Variants in ACYP2 observed in about 807,000 individuals in gnomAD.
ACYP2 encodes acylphosphatase 2.
A neutral mutation model predicts 11.2 loss-of-function variants in ACYP2; 12 were observed. That is an observed-to-expected ratio of 1.08 (90% CI 0.69 to 1.74). ACYP2 has a LOEUF of 1.74. Among genes scored for constraint, ACYP2 ranks in the 40% most tolerant of loss-of-function variants. The probability of loss-of-function intolerance (pLI) is 0.00; values close to 1 mark genes in which losing one functional copy is unlikely to be tolerated. For missense variants in ACYP2, 134 were observed against 101.9 expected (o/e 1.31, Z -1.35); for synonymous variants, 43 against 32.2 (o/e 1.33, Z -1.13).
chr2:54,162,944 C>T (rs534638153), intron 6 of ACYP2, among the ~76,000 whole-genome samples: 1 of 152,282 alleles, frequency 6.6e-6, no homozygotes, highest in Non-Finnish European at 1.5e-5. Flanking sequence ...ATCGTGATCA[C>T]CGCACCCCAG....
intron 2 of ACYP2, among the ~76,000 whole-genome samples, chr2:53,988,683 C>A (rs1410404976): frequency 6.6e-6 from 1 of 152,120 alleles, no homozygotes; most frequent in East Asian, 1.9e-4. Flanking sequence ...GTCTCAGCCT[C>A]CCATGGTGCT....
At chr2:54,253,250 G>A (rs1264295580) in intron 6 of ACYP2, 2 of 152,134 alleles carry the variant, frequency 1.3e-5, no homozygotes, top group Admixed American at 6.5e-5. Flanking sequence ...ATAAGACCAA[G>A]TTATTCAAAT....
At chr2:54,145,907 G>A (rs1271630915) in intron 6 of ACYP2, among the ~76,000 whole-genome samples, 2 of 152,080 alleles carry the variant, frequency 1.3e-5, no homozygotes, top group East Asian at 3.9e-4. Flanking sequence ...TCTGGGTCTG[G>A]GTTTGCTACA....
intron 6 of ACYP2, among the ~76,000 whole-genome samples, chr2:54,177,576 A>ATTTTTTT (rs370517956): frequency 1.5e-5 from 2 of 130,756 alleles, no homozygotes; most frequent in Non-Finnish European, 1.7e-5. Flanking sequence ...GATACCTACT[A>ATTTTTTT]TTTTTTTTTT....
chr2:54,152,257 A>G (rs570407033), intron 6 of ACYP2, among the ~76,000 whole-genome samples: 36 of 151,890 alleles, frequency 2.4e-4, no homozygotes, highest in Admixed American at 5.9e-4. Context: ...AGCTGGGACT[A>G]AAAACACGTA....
chr2:54,013,255 A>G (rs886251461), intron 2 of ACYP2, among the ~76,000 whole-genome samples: 4 of 117,524 alleles, frequency 3.4e-5, no homozygotes, highest in Non-Finnish European at 7.0e-5. Flanking sequence ...ACCATCTAAT[A>G]TGTGTGTGTG....
chr2:54,013,761 G>A (rs1673527226), intron 2 of ACYP2, among the ~76,000 whole-genome samples: 1 of 150,740 alleles, frequency 6.6e-6, no homozygotes, highest in Admixed American at 6.6e-5. Context: ...AGAGGTGAGT[G>A]AATTCAGTTA....
At chr2:54,081,971 C>T (rs954887809) in intron 4 of ACYP2, among the ~76,000 whole-genome samples, 5 of 152,172 alleles carry the variant, frequency 3.3e-5, no homozygotes, top group African/African-American at 4.8e-5. Context: ...AGAGGGCAGT[C>T]ATAATTCTAA....
chr2:54,169,290 A>C (rs1683131940), intron 6 of ACYP2, among the ~76,000 whole-genome samples: 1 of 152,002 alleles, frequency 6.6e-6, no homozygotes, highest in African/African-American at 2.4e-5. Flanking sequence ...GGTCTGTCTG[A>C]TTTTGATCTG....
intron 4 of ACYP2, among the ~76,000 whole-genome samples, chr2:54,102,969 C>A (rs1462449573): frequency 2.0e-5 from 3 of 152,128 alleles, no homozygotes; most frequent in Admixed American, 6.5e-5. Flanking sequence ...CAAATTGTGT[C>A]CATCCCTACC....
intron 6 of ACYP2, among the ~76,000 whole-genome samples, chr2:54,277,004 A>G (rs991418119): frequency 1.3e-5 from 2 of 152,212 alleles, no homozygotes; most frequent in Non-Finnish European, 2.9e-5. Context: ...ATTTCTATTT[A>G]TGGAAATAAC....
chr2:53,992,344 C>T (rs1362568358), intron 2 of ACYP2, among the ~76,000 whole-genome samples: 1 of 152,060 alleles, frequency 6.6e-6, no homozygotes, highest in Non-Finnish European at 1.5e-5. Context: ...AGTTTTTAAT[C>T]AGGAAAATGA....
intron 6 of ACYP2, among the ~76,000 whole-genome samples, chr2:54,189,657 T>G (rs1320903595): frequency 1.3e-5 from 2 of 152,208 alleles, no homozygotes; most frequent in African/African-American, 4.8e-5. Context: ...TGAATAACGC[T>G]GCAATGAGCA....
intron 6 of ACYP2, among the ~76,000 whole-genome samples, chr2:54,186,319 A>T (rs1168470381): frequency 6.6e-6 from 1 of 152,180 alleles, no homozygotes; most frequent in Non-Finnish European, 1.5e-5. Flanking sequence ...ATAGAGAAAT[A>T]GCTTCTCTCA....
intron 2 of ACYP2, among the ~76,000 whole-genome samples, chr2:53,983,213 A>T (rs1573443087): frequency 6.6e-6 from 1 of 152,136 alleles, no homozygotes; most frequent in Admixed American, 6.6e-5. Context: ...TGATTCAGCT[A>T]AGAAAATAGG....
At chr2:54,208,478 C>T (rs1685174901) in intron 6 of ACYP2, among the ~76,000 whole-genome samples, 1 of 152,022 alleles carries the variant, frequency 6.6e-6, no homozygotes, top group South Asian at 2.1e-4. Context: ...ATTGTTAGAG[C>T]TTGATCTCTA....
At chr2:54,218,335 T>C (rs971424322) in intron 6 of ACYP2, among the ~76,000 whole-genome samples, 5 of 152,236 alleles carry the variant, frequency 3.3e-5, no homozygotes, top group Admixed American at 3.3e-4. Flanking sequence ...TCTGCTGGTG[T>C]GCTACATATA....
rs1307197990 is a variant in ACYP2, at chr2:54,051,177, G to A, written c.155+127G>A. 41 of 715,426 alleles carry A rather than the reference G, an allele frequency of 5.7e-5. 1 individual carries two copies. Among genetic ancestry groups the A allele is most frequent in the South Asian group, 4.1e-4 (26 of 63,360 alleles). The allele number at this position is 715,426 out of a possible 1,614,324, so 44.3% of individuals were successfully genotyped here. A position where few individuals can be genotyped will look rare whatever the true frequency, so the allele number is the denominator to read the frequency against. The stretch of plus-strand genomic sequence containing the variant: ...AGTGAGAACCAGACAGGCATTGGGC[G>A]ACTCTGCCTCACTGAGGAAAAATAA... On this transcript the variant is annotated intron_variant, in intron 3 of 6. Coordinates refer to ENST00000607452, the MANE Select transcript of ACYP2 (RefSeq NM_001320586.2).
chr2:54,151,297 G>A (rs766045488), intron 6 of ACYP2, among the ~76,000 whole-genome samples: 2 of 152,192 alleles, frequency 1.3e-5, no homozygotes, highest in Non-Finnish European at 2.9e-5. Flanking sequence ...GAACAATTAG[G>A]TGGTGTCAGA....
Sources: allele counts gnomAD v4.1 joint callset (sites outside exome capture counted in the v4.1 genomes callset), GRCh38; gene constraint gnomAD v4.1.1; transcripts MANE v1.5; gene names NCBI Gene and HGNC (gene_info 2026-07-23, HGNC 2026-07-21).